BTRC: variants seen among roughly 807,000 people sequenced by gnomAD.
The protein encoded by BTRC is beta-transducin repeat containing E3 ubiquitin protein ligase.
BTRC carries 42 observed loss-of-function variants against 85.5 expected under a neutral mutation model. The ratio of observed to expected loss-of-function variants is 0.49; its 90% CI spans 0.38 to 0.64. The LOEUF is 0.64. BTRC is among the 30% of genes least tolerant of loss of function. BTRC has a pLI of 0.00. For synonymous variants in BTRC, 255 were observed against 263.3 expected (o/e 0.97, Z 0.30); for missense variants, 594 against 743.5 (o/e 0.80, Z 2.34).
chr10:101,393,195 A>G (rs745514931), intron 1 of BTRC, among the ~76,000 whole-genome samples: 22 of 152,122 alleles, frequency 1.4e-4, no homozygotes, highest in Admixed American at 9.2e-4. Context: ...GTGCCCAGGG[A>G]GTCATGGCAG....
intron 1 of BTRC, among the ~76,000 whole-genome samples, chr10:101,408,045 T>G (rs1943676513): frequency 6.6e-6 from 1 of 152,158 alleles, no homozygotes; most frequent in Admixed American, 6.5e-5. Context: ...AAAATATAAT[T>G]AATATAGAAT....
chr10:101,418,170 C>T (rs1239119084), intron 1 of BTRC, among the ~76,000 whole-genome samples: 2 of 152,082 alleles, frequency 1.3e-5, no homozygotes, highest in Admixed American at 1.3e-4. Flanking sequence ...AGTTCAAGAC[C>T]AGCCTGGCCA....
chr10:101,513,972 A>G (rs9325503), intron 4 of BTRC, among the ~76,000 whole-genome samples: 56,308 of 152,086 alleles, frequency 0.37, 11,615 homozygotes, highest in Middle Eastern at 0.49. Flanking sequence ...AGCCATTCTA[A>G]TAAGTGTGTC....
chr10:101,381,899 T>C lies in BTRC; in HGVS notation c.48+27671T>C, dbSNP rs1942938161. Among the ~76,000 whole-genome samples the C allele has an allele frequency of 3.4e-5, 5 of 149,152 alleles. No homozygotes were observed. In the South Asian group the frequency reaches 1.1e-3, roughly 32 times the overall value. ...ACTCAGGAAATTTAACACTGATCAC[T>C]GATAACCTTTTATTATTTAATATAC... On this transcript the variant is annotated intron_variant, in intron 1 of 14. Transcript: ENST00000370187.
At chr10:101,483,792 C>T (rs1945910218) in intron 4 of BTRC, among the ~76,000 whole-genome samples, 1 of 152,146 alleles carries the variant, frequency 6.6e-6, no homozygotes, top group South Asian at 2.1e-4. Context: ...TCATTATTAA[C>T]TGTCAACTTA....
intron 4 of BTRC, among the ~76,000 whole-genome samples, chr10:101,508,028 T>C (rs1168820830): frequency 1.3e-5 from 2 of 152,182 alleles, no homozygotes; most frequent in Non-Finnish European, 1.5e-5. Context: ...TAAAGTTGCA[T>C]GAGGGGGCCA....
chr10:101,423,649 A>T (rs76645236), intron 1 of BTRC, among the ~76,000 whole-genome samples: 1,591 of 152,298 alleles, frequency 0.01, 21 homozygotes, highest in Non-Finnish European at 0.017. Context: ...ACTTCACTGA[A>T]CTTGAGTGTA....
chr10:101,487,498 T>C (rs1472186281), intron 4 of BTRC, among the ~76,000 whole-genome samples: 1 of 152,222 alleles, frequency 6.6e-6, no homozygotes. Context: ...TGGGTTTAAC[T>C]AATGGCTGAT....
chr10:101,505,404 G>C (rs1243624022), intron 4 of BTRC, among the ~76,000 whole-genome samples: 1 of 150,744 alleles, frequency 6.6e-6, no homozygotes, highest in Admixed American at 6.6e-5. Flanking sequence ...CGGATCATGA[G>C]GTCAGGAGAT....
intron 1 of BTRC, among the ~76,000 whole-genome samples, chr10:101,425,844 T>C (rs1375508567): frequency 6.6e-6 from 1 of 151,810 alleles, no homozygotes; most frequent in Non-Finnish European, 1.5e-5. Flanking sequence ...AAATTAAGTA[T>C]AGAAAGAAAA....
intron 10 of BTRC, 72 bp from the exon 11 acceptor site, chr10:101,535,282 A>G (rs573743046): frequency 1.0e-5 from 12 of 1,154,410 alleles, no homozygotes; most frequent in Admixed American, 9.1e-5. Flanking sequence ...CTGCTTCTCT[A>G]AGACTCCATT....
chr10:101,522,395 A>C (rs1326975801), intron 5 of BTRC, among the ~76,000 whole-genome samples: 1 of 112,086 alleles, frequency 8.9e-6, no homozygotes, highest in African/African-American at 3.1e-5. Context: ...AAAAAACTCT[A>C]GAAATAAAGA....
intron 2 of BTRC, among the ~76,000 whole-genome samples, chr10:101,432,845 G>A (rs576429847): frequency 2.6e-4 from 39 of 152,204 alleles, no homozygotes; most frequent in African/African-American, 8.9e-4. Flanking sequence ...CCTCCCAGCC[G>A]CAGTGTGTGA....
chr10:101,467,921 T>C (rs1238435244), intron 3 of BTRC, among the ~76,000 whole-genome samples: 1 of 152,206 alleles, frequency 6.6e-6, no homozygotes, highest in Admixed American at 6.5e-5. Context: ...ATCTTAAAGG[T>C]AATTAATGTA....
chr10:101,366,860 T>TTATATATATTTA (rs373264156), intron 1 of BTRC, among the ~76,000 whole-genome samples: 7 of 25,414 alleles, frequency 2.8e-4, no homozygotes, highest in African/African-American at 7.1e-4. Flanking sequence ...TAATATATAT[T>TTATATATATTTA]TATATATTAA....
intron 2 of BTRC, among the ~76,000 whole-genome samples, chr10:101,457,635 C>T (rs949292623): frequency 6.6e-6 from 1 of 152,150 alleles, no homozygotes; most frequent in Non-Finnish European, 1.5e-5. Context: ...AATTTATTTA[C>T]TATAATGAAA....
At chr10:101,401,417 G>T (rs1251134986) in intron 1 of BTRC, among the ~76,000 whole-genome samples, 1 of 152,140 alleles carries the variant, frequency 6.6e-6, no homozygotes, top group African/African-American at 2.4e-5. Context: ...GTATAAATTT[G>T]CTTACTAAGA....
At chr10:101,432,599 C>T (rs923145362) in intron 2 of BTRC, among the ~76,000 whole-genome samples, 1 of 152,050 alleles carries the variant, frequency 6.6e-6, no homozygotes, top group Non-Finnish European at 1.5e-5. Flanking sequence ...AAAGGCTGCT[C>T]CTACTTCAGA....
At chr10:101,364,071 T>C (rs1458508284) in intron 1 of BTRC, among the ~76,000 whole-genome samples, 1 of 152,150 alleles carries the variant, frequency 6.6e-6, no homozygotes, top group Non-Finnish European at 1.5e-5. Flanking sequence ...CACAATACTA[T>C]AGTGACAGTA....
Sources: allele counts gnomAD v4.1 joint callset (sites outside exome capture counted in the v4.1 genomes callset), GRCh38; gene constraint gnomAD v4.1.1; transcripts MANE v1.5; gene names NCBI Gene and HGNC (gene_info 2026-07-23, HGNC 2026-07-21).